The following DCDC1 variants were observed in gnomAD, a reference collection of about 807,000 sequenced individuals.
DCDC1 encodes doublecortin domain containing 1.
A neutral mutation model predicts 178.3 loss-of-function variants in DCDC1; 200 were observed. That is an observed-to-expected ratio of 1.12 (90% CI 1.00 to 1.26). The LOEUF (loss-of-function observed/expected upper bound fraction) is 1.26, where lower values mean the gene tolerates loss of function less well. Ranked by LOEUF, DCDC1 falls within the 50% of genes most tolerant of loss-of-function variation. DCDC1 has a pLI of 0.00. For synonymous variants in DCDC1, 690 were observed against 604.8 expected (o/e 1.14, Z -2.07); for missense variants, 1,983 against 1,749.2 (o/e 1.13, Z -2.38).
rs1349207690 is a variant in DCDC1, at chr11:31,093,295, T to C, written c.2118+755A>G. Among the ~76,000 whole-genome samples, 6 of 152,312 alleles carry C rather than the reference T, an allele frequency of 3.9e-5. No homozygotes were observed. In the East Asian group the frequency reaches 1.2e-3, roughly 29 times the overall value. On this transcript the variant is annotated intron_variant, in intron 16 of 38. Transcript: ENST00000684477. ...TAGCTAAGGGCAATCCAAAATTTCA[T>C]TTGCGAAAATAGTGTCAATCTTCCC...
At chr11:31,288,240 C>A (rs1050965223) in intron 7 of DCDC1, among the ~76,000 whole-genome samples, 1 of 151,816 alleles carries the variant, frequency 6.6e-6, no homozygotes, top group Non-Finnish European at 1.5e-5. Context: ...CTTATGCCCA[C>A]AAATTTTTCT....
chr11:30,947,167 A>G lies in DCDC1; in HGVS notation c.2715+5278T>C, dbSNP rs140651980. ...ATAATATGGAAGAAAAATGTCTGAA[A>G]ATAAGATGCAAAAATGCATCATAAA... On this transcript the variant is annotated intron_variant, in intron 21 of 38. Transcript: ENST00000684477. Among the ~76,000 whole-genome samples, 401 of 152,338 alleles carry G rather than the reference A, an allele frequency of 2.6e-3. 13 individuals carry two copies. Among genetic ancestry groups the G allele is most frequent in the Non-Finnish European group, 3.4e-3 (228 of 68,024 alleles).
chr11:31,056,508 A>G (rs1216413515), intron 20 of DCDC1, among the ~76,000 whole-genome samples: 4 of 152,128 alleles, frequency 2.6e-5, no homozygotes, highest in African/African-American at 9.7e-5. Flanking sequence ...TATCATGCAA[A>G]CACTGACCAA....
At chr11:31,217,001 G>T (rs1184520402) in intron 9 of DCDC1, among the ~76,000 whole-genome samples, 3 of 152,136 alleles carry the variant, frequency 2.0e-5, no homozygotes, top group African/African-American at 7.2e-5. Flanking sequence ...AACATAGATT[G>T]TATTTCTCTT....
chr11:31,243,832 A>C (rs1977486233), intron 8 of DCDC1, among the ~76,000 whole-genome samples: 1 of 151,758 alleles, frequency 6.6e-6, no homozygotes, highest in African/African-American at 2.4e-5. Flanking sequence ...GGGACTTCAG[A>C]ATCTGCTCTG....
At chr11:31,037,790 A>T (rs1028223317) in intron 20 of DCDC1, among the ~76,000 whole-genome samples, 4 of 152,042 alleles carry the variant, frequency 2.6e-5, no homozygotes, top group Non-Finnish European at 5.9e-5. Context: ...TATCAAGATT[A>T]TCTTTAATTC....
intron 21 of DCDC1, among the ~76,000 whole-genome samples, chr11:30,935,285 A>G (rs1947203583): frequency 6.6e-6 from 1 of 152,166 alleles, no homozygotes; most frequent in Non-Finnish European, 1.5e-5. Context: ...GTAACACCCT[A>G]CTGTACCTTG....
intron 11 of DCDC1, among the ~76,000 whole-genome samples, chr11:31,115,637 A>G (rs1959785537): frequency 6.6e-6 from 1 of 152,182 alleles, no homozygotes; most frequent in Admixed American, 6.5e-5. Context: ...TAATGAACAT[A>G]CAAGGTTAAC....
chr11:31,328,097 T>C lies in DCDC1; in HGVS notation c.164+20A>G. On this transcript the variant is annotated intron_variant, in intron 3 of 38. Transcript: ENST00000684477. ...ATCCCCTTCAGTATTTAGTTTAAGC[T>C]GCTGAAATAATGTTCTTACCTTGGT... 6.3e-7 allele frequency: 1 copy of C among 1,581,298 alleles called. No homozygotes were observed. The highest frequency in any genetic ancestry group is 8.6e-7 in the Non-Finnish European group (1 of 1,159,036).
chr11:30,866,872 A>C (rs1446548952), intron 38 of DCDC1, among the ~76,000 whole-genome samples: 2 of 152,064 alleles, frequency 1.3e-5, no homozygotes, highest in African/African-American at 2.4e-5. Flanking sequence ...TGAGGGATTT[A>C]CCCTCATAAA....
At chr11:31,185,924 T>G (rs138434113) in intron 9 of DCDC1, among the ~76,000 whole-genome samples, 2 of 152,314 alleles carry the variant, frequency 1.3e-5, no homozygotes, top group East Asian at 3.9e-4. Flanking sequence ...TCAAACATGT[T>G]AAGCCAAAAT....
At position 31,053,979 on chromosome 11, in the gene DCDC1, A is replaced by G. The variant is rs58862420; in HGVS notation, c.2591+10490T>C. 9.1e-3 allele frequency among the ~76,000 whole-genome samples: 1,387 copies of G among 152,302 alleles called. 19 individuals carry two copies. Among genetic ancestry groups the G allele is most frequent in the African/African-American group, 0.031 (1,282 of 41,568 alleles). ...ACTGGAAGTCCTAGCCAGAGCAATC[A>G]GACAAGAGAAATAAATAAAGGACAT... is the stretch of plus-strand genomic sequence containing the variant. On this transcript the variant is annotated intron_variant, in intron 20 of 38. Transcript: ENST00000684477.
chr11:30,936,833 G>C (rs1037799349), intron 21 of DCDC1, among the ~76,000 whole-genome samples: 1 of 152,182 alleles, frequency 6.6e-6, no homozygotes, highest in Non-Finnish European at 1.5e-5. Context: ...ATGGTGATAC[G>C]TAGGTTCTAA....
intron 38 of DCDC1, among the ~76,000 whole-genome samples, chr11:30,874,620 T>C (rs1941946674): frequency 6.6e-6 from 1 of 152,066 alleles, no homozygotes; most frequent in Non-Finnish European, 1.5e-5. Context: ...AGTTCCCTCC[T>C]CTCCTCCACC....
chr11:31,044,050 A>G (rs1954656930), intron 20 of DCDC1, among the ~76,000 whole-genome samples: 1 of 152,010 alleles, frequency 6.6e-6, no homozygotes, highest in South Asian at 2.1e-4. Context: ...TCCCATAATT[A>G]TATTATGCTA....
intron 6 of DCDC1, among the ~76,000 whole-genome samples, chr11:31,294,507 C>T (rs1222196928): frequency 1.4e-5 from 2 of 147,936 alleles, no homozygotes; most frequent in Non-Finnish European, 3.0e-5. Flanking sequence ...TGCTTGAACT[C>T]GGGAGGCAGA....
At position 30,979,800 on chromosome 11, in the gene DCDC1, T is replaced by C. The variant is rs190384790; in HGVS notation, c.2592-27232A>G. On this transcript the variant is annotated intron_variant, in intron 20 of 38. Coordinates refer to ENST00000684477, the MANE Select transcript of DCDC1 (RefSeq NM_001387274.1). ...TAATAGTTCAGTTCAAGTGTGACTG[T>C]CATAAAAGAAGTCACCCAATAAATA... Among the ~76,000 whole-genome samples, 4 of 152,326 alleles carry C rather than the reference T, an allele frequency of 2.6e-5. No individual in the cohort carries two copies. In the East Asian group the frequency reaches 7.7e-4, roughly 29 times the overall value.
chr11:31,141,437 G>A (rs1164200274), intron 9 of DCDC1, among the ~76,000 whole-genome samples: 1 of 152,102 alleles, frequency 6.6e-6, no homozygotes, highest in African/African-American at 2.4e-5. Flanking sequence ...TCTGTATTAA[G>A]AATAGCTAAT....
rs771971498 is a variant in DCDC1 at position 30,903,586 on chromosome 11, A to T, written c.4406T>A (p.Val1469Asp). 9.3e-6 allele frequency: 15 copies of T among 1,610,358 alleles called. No individual in the cohort carries two copies. Among genetic ancestry groups the T allele is most frequent in the Non-Finnish European group, 1.3e-5 (15 of 1,178,236 alleles). The change falls in exon 32 of 39, where the codon GTT becomes GAT. Residue 1469 changes from valine to aspartate, a missense_variant. Physicochemically the swap from Val to Asp is radical, Grantham distance 152 (BLOSUM62 -3). Transcript: ENST00000684477. ...GTPIFTLRDLVLWALDESFLQ... is the reference protein window; with the variant it reads ...GTPIFTLRDLDLWALDESFLQ... The stretch of plus-strand genomic sequence containing the variant: ...AAAGGATTCATCTAGAGCCCATAAA[A>T]CCAAATCACGCAAGGTAAAGATTGG...
Sources: allele counts gnomAD v4.1 joint callset (sites outside exome capture counted in the v4.1 genomes callset), GRCh38; gene constraint gnomAD v4.1.1; transcripts MANE v1.5; gene names NCBI Gene and HGNC (gene_info 2026-07-23, HGNC 2026-07-21).